RBAK: variants seen among roughly 807,000 people sequenced by gnomAD.
The protein encoded by RBAK is RB associated KRAB zinc finger, also known as RB-associated KRAB zinc finger protein.
Under a neutral mutation model 65.8 loss-of-function variants are expected in RBAK, and 39 were observed. The ratio of observed to expected loss-of-function variants is 0.59; its 90% CI spans 0.46 to 0.77. The LOEUF (loss-of-function observed/expected upper bound fraction) is 0.77, where lower values mean the gene tolerates loss of function less well. RBAK is among the 30% of genes least tolerant of loss of function. RBAK has a pLI of 0.00. For synonymous variants in RBAK, 343 were observed against 289.7 expected, an observed-to-expected ratio of 1.18 and a Z score of -1.87; for missense variants, 884 against 855.1, an observed-to-expected ratio of 1.03 and a Z score of -0.42.
rs754898476 is a variant in RBAK at position 5,064,130 on chromosome 7, G to C, written c.674G>C (p.Arg225Thr). The C allele has an allele frequency of 8.1e-6, 13 of 1,613,948 alleles. No individual in the cohort carries two copies. Among genetic ancestry groups the C allele is most frequent in the Non-Finnish European group, 1.1e-5 (13 of 1,180,006 alleles). ...DNEAVFIAHK[R>T]AYIGEKPYEW... ...GAGGCTGTTTTTATTGCTCATAAGAGAGCTTACATAGGGGAGAAGCCCTAT... is the reference window on the plus strand; with the variant it reads ...GAGGCTGTTTTTATTGCTCATAAGACAGCTTACATAGGGGAGAAGCCCTAT... Residue 225 changes from arginine to threonine, a missense_variant, in exon 5 of 5, where the codon AGA becomes ACA. Physicochemically the swap from Arg to Thr is moderately conservative, Grantham distance 71. Coordinates refer to ENST00000396912, the MANE Select transcript of RBAK (RefSeq NM_021163.4). The surrounding 1 kb of genome is among the most constrained non-coding windows in gnomAD (Gnocchi z 6.3).
In RBAK at chr7:5,063,859, C is replaced by T. The variant is rs1400837238; in HGVS notation, c.403C>T (p.His135Tyr). ...CCTTGTTCCTTCAAGCATAATAGCTCATAATTGTGTCTCATGTGGAAAGAA... is the reference window on the plus strand; with the variant it reads ...CCTTGTTCCTTCAAGCATAATAGCTTATAATTGTGTCTCATGTGGAAAGAA... ...TSLVPSSIIAHNCVSCGKNLE... is the reference protein window; with the variant it reads ...TSLVPSSIIAYNCVSCGKNLE... The change falls in exon 5 of 5, where the codon CAT (histidine) becomes TAT (tyrosine). Residue 135 changes from histidine (H) to tyrosine (Y), a missense_variant. Transcript: ENST00000396912. The T allele has an allele frequency of 5.0e-6, 8 of 1,613,992 alleles. No homozygotes were observed. The South Asian group carries it at 8.8e-5, about 18-fold the overall frequency.
chr7:5,063,258 G>T (rs770708399), intron 4 of RBAK, among the ~76,000 whole-genome samples: 3 of 152,164 alleles, frequency 2.0e-5, no homozygotes, highest in African/African-American at 7.2e-5. Context: ...CAGTCCCTCC[G>T]TTTGGGGTCC....
Position 5,068,732 on chromosome 7 carries a change from C to G in RBAK, c.*3131C>G, listed in dbSNP as rs1447893733. ...GTGTCTGTCCACCAAAGGACATGCA[C>G]TAGAATATTTATAGCCTAAAACTGC... On this transcript the variant is annotated 3_prime_UTR_variant, in exon 5 of 5. Coordinates refer to ENST00000396912, the MANE Select transcript of RBAK (RefSeq NM_021163.4). 3 of 152,132 alleles carry G rather than the reference C, an allele frequency of 2.0e-5. No individual in the cohort carries two copies. The highest frequency in any genetic ancestry group is 7.2e-5 in the African/African-American group (3 of 41,420). 9.4% of individuals were successfully genotyped at this position (152,132 alleles called of 1,614,324 possible). A position where few individuals can be genotyped will look rare whatever the true frequency, so the allele number is the denominator to read the frequency against.
intron 3 of RBAK, 94 bp downstream of exon 3, chr7:5,057,515 G>A (rs1210076638): frequency 6.2e-7 from 1 of 1,609,488 alleles, no homozygotes; most frequent in Non-Finnish European, 8.5e-7. Flanking sequence ...AATTCCTTGT[G>A]GGCACTAGCT....
In RBAK at chr7:5,065,596, C is replaced by G; in HGVS notation, c.2140C>G (p.Leu714Val). The G allele has an allele frequency of 1.3e-6, 2 of 1,505,408 alleles. No individual in the cohort carries two copies. Among genetic ancestry groups the G allele is most frequent in the Non-Finnish European group, 1.8e-6 (2 of 1,128,276 alleles). The allele number at this position is 1,505,408 out of a possible 1,614,324, so 93.3% of individuals were successfully genotyped here. A position where few individuals can be genotyped will look rare whatever the true frequency, so the allele number is the denominator to read the frequency against. The change falls in exon 5 of 5, where the codon CTC becomes GTC. Residue 714 changes from leucine to valine, a missense_variant. Coordinates refer to ENST00000396912, the MANE Select transcript of RBAK (RefSeq NM_021163.4). The surrounding 1 kb of genome is among the most constrained non-coding windows in gnomAD (Gnocchi z 5.3). ...GNMNVLDVEN[L>V] ...TATGAACGTACTTGATGTGGAAAAT[C>G]TCTGAAGTCAGATCTCAATTTTTAG...
At position 5,066,630 on chromosome 7, in the gene RBAK, C is replaced by T. The variant is rs1258478662; in HGVS notation, c.*1029C>T. ...CATTGTTTTGTGCATTCTCCTTTTT[C>T]CCAGTATTTCAGAACAAATTGATTC... On this transcript the variant is annotated 3_prime_UTR_variant, in exon 5 of 5. Transcript: ENST00000396912. 6.6e-6 allele frequency: 1 copy of T among 152,100 alleles called. No individual in the cohort carries two copies. Among genetic ancestry groups the T allele is most frequent in the African/African-American group, 2.4e-5 (1 of 41,428 alleles). 9.4% of individuals were successfully genotyped at this position (152,100 alleles called of 1,614,324 possible).
At chr7:5,047,932 G>A in intron 1 of RBAK, 101 bp from the exon 2 acceptor site, 1 of 592,882 alleles carries the variant, frequency 1.7e-6, no homozygotes, top group Non-Finnish European at 2.9e-6. Context: ...TTCACAGGGT[G>A]TTAGCCTATT....
intron 4 of RBAK, among the ~76,000 whole-genome samples, chr7:5,059,715 G>T (rs1323370393): frequency 1.3e-5 from 2 of 152,100 alleles, no homozygotes; most frequent in African/African-American, 4.8e-5. Context: ...GTCAGCGATT[G>T]TTACCTCAAA....
intron 2 of RBAK, 61 bp from the exon 3 acceptor site, chr7:5,057,234 A>C: frequency 6.2e-7 from 1 of 1,610,468 alleles, no homozygotes; most frequent in Non-Finnish European, 8.5e-7. Context: ...TGGGCTTTGT[A>C]AAACGTTATC....
Position 5,067,234 on chromosome 7 carries a change from T to A in RBAK, c.*1633T>A, listed in dbSNP as rs1779242266. 6.6e-6 allele frequency: 1 copy of A among 152,108 alleles called. No individual in the cohort carries two copies. Among genetic ancestry groups the A allele is most frequent in the African/African-American group, 2.4e-5 (1 of 41,434 alleles). 9.4% of individuals were successfully genotyped at this position (152,108 alleles called of 1,614,324 possible). On this transcript the variant is annotated 3_prime_UTR_variant, in exon 5 of 5. Coordinates refer to ENST00000396912, the MANE Select transcript of RBAK (RefSeq NM_021163.4). Reference sequence around the variant, plus strand: ...GAAGAGAAACAAAAGGCATAGAGATTAGAAAAGAAGTAAAACTTTAAAAAC... The same window carrying A: ...GAAGAGAAACAAAAGGCATAGAGATAAGAAAAGAAGTAAAACTTTAAAAAC...
chr7:5,065,613 A>G lies in RBAK; in HGVS notation c.*12A>G. 6.8e-7 allele frequency: 1 copy of G among 1,475,816 alleles called. No homozygotes were observed. Among genetic ancestry groups the G allele is most frequent in the Non-Finnish European group, 9.0e-7 (1 of 1,105,654 alleles). 91.4% of individuals were successfully genotyped at this position (1,475,816 alleles called of 1,614,324 possible). ...TGGAAAATCTCTGAAGTCAGATCTC[A>G]ATTTTTAGAAAACTCTCTGAATATA... On this transcript the variant is annotated 3_prime_UTR_variant, in exon 5 of 5. Transcript: ENST00000396912. This position sits in a 1 kb window ranked among gnomAD's most constrained non-coding sequence, Gnocchi z 5.3.
At chr7:5,051,769 G>C (rs1475916157) in intron 2 of RBAK, among the ~76,000 whole-genome samples, 1 of 152,120 alleles carries the variant, frequency 6.6e-6, no homozygotes, top group Non-Finnish European at 1.5e-5. Flanking sequence ...GTGAATTTTT[G>C]TCTGGAACAC....
At chr7:5,049,634 T>C (rs534599132) in intron 2 of RBAK, among the ~76,000 whole-genome samples, 20 of 152,348 alleles carry the variant, frequency 1.3e-4, no homozygotes, top group Admixed American at 1.2e-3. Context: ...CCATGGAGTC[T>C]CTCTTTTCTT....
rs751977303 is a variant in RBAK at position 5,064,813 on chromosome 7, G to A, written c.1357G>A (p.Glu453Lys). The A allele has an allele frequency of 1.9e-6, 3 of 1,614,130 alleles. No homozygotes were observed. The highest frequency in any genetic ancestry group is 2.5e-6 in the Non-Finnish European group (3 of 1,179,962). Residue 453 changes from glutamate to lysine, a missense_variant, in exon 5 of 5, where the codon GAA becomes AAA. Glu to Lys is a moderately conservative substitution (Grantham distance 56). Coordinates refer to ENST00000396912, the MANE Select transcript of RBAK (RefSeq NM_021163.4). This position sits in a 1 kb window ranked among gnomAD's most constrained non-coding sequence, Gnocchi z 6.3. ...YLTIHYRSHL[E>K]EKPYECNECG... ...CACTATACATTATAGAAGTCATTTA[G>A]AAGAGAAACCCTATGAATGTAATGA...
rs553898566 is a variant in RBAK at position 5,069,384 on chromosome 7, G to A, written c.*3783G>A. On this transcript the variant is annotated 3_prime_UTR_variant, in exon 5 of 5. Transcript: ENST00000396912. ...AAGTGAAATATTTGAGAAGGTTAAA[G>A]AATCATTACATACTTTGTCATCCTA... is the stretch of plus-strand genomic sequence containing the variant. 7.2e-5 allele frequency: 11 copies of A among 152,294 alleles called. No homozygotes were observed. In the South Asian group the frequency reaches 2.3e-3, roughly 32 times the overall value. The allele number at this position is 152,294 out of a possible 1,614,324, so 9.4% of individuals were successfully genotyped here. A position where few individuals can be genotyped will look rare whatever the true frequency, so the allele number is the denominator to read the frequency against.
At chr7:5,063,342 C>T (rs1181991928) in intron 4 of RBAK, among the ~76,000 whole-genome samples, 4 of 152,198 alleles carry the variant, frequency 2.6e-5, no homozygotes, top group South Asian at 2.1e-4. Context: ...AACCACTTCT[C>T]TGCTCATCAT....
At chr7:5,058,410 A>G (rs1356610471) in intron 4 of RBAK, among the ~76,000 whole-genome samples, 1 of 152,202 alleles carries the variant, frequency 6.6e-6, no homozygotes, top group Non-Finnish European at 1.5e-5. Flanking sequence ...GAAGTCTGAC[A>G]TAAAAATCAA....
In RBAK at chr7:5,064,377, T is replaced by A; in HGVS notation, c.921T>A (p.His307Gln). ...SFSQKGTLTVHRRSHLEEKPY... is the reference protein window; with the variant it reads ...SFSQKGTLTVQRRSHLEEKPY... ...GCCAAAAGGGAACCCTCACTGTACATCGGAGATCACACTTAGAGGAGAAGC... is the reference window on the plus strand; with the variant it reads ...GCCAAAAGGGAACCCTCACTGTACAACGGAGATCACACTTAGAGGAGAAGC... Residue 307 changes from histidine to glutamine, a missense_variant, in exon 5 of 5, where the codon CAT becomes CAA. His to Gln is a conservative substitution (Grantham distance 24). Coordinates refer to ENST00000396912, the MANE Select transcript of RBAK (RefSeq NM_021163.4). The surrounding 1 kb of genome is among the most constrained non-coding windows in gnomAD (Gnocchi z 6.3). 4.3e-6 allele frequency: 7 copies of A among 1,613,988 alleles called. No individual in the cohort carries two copies. The highest frequency in any genetic ancestry group is 5.9e-6 in the Non-Finnish European group (7 of 1,179,958).
chr7:5,051,789 C>T (rs1317160776), intron 2 of RBAK, among the ~76,000 whole-genome samples: 1 of 152,194 alleles, frequency 6.6e-6, no homozygotes, highest in Non-Finnish European at 1.5e-5. Flanking sequence ...CTACATGGGA[C>T]CTCTTAAATT....
Sources: gnomAD v4.1 joint callset for allele counts (sites outside exome capture counted in the v4.1 genomes callset) on GRCh38, gnomAD v4.1.1 for gene constraint, Gnocchi (gnomAD v3.1) non-coding constraint, MANE v1.5 for transcripts, NCBI Gene and HGNC (gene_info 2026-07-23, HGNC 2026-07-21) for gene names.